Variants in TMEM63B observed in about 807,000 individuals in gnomAD.
TMEM63B encodes the protein mechanosensitive cation channel TMEM63B.
TMEM63B carries 23 observed loss-of-function variants against 102.6 expected under a neutral mutation model. The observed-to-expected ratio is 0.22, with a 90% confidence interval of 0.16 to 0.32. The LOEUF (loss-of-function observed/expected upper bound fraction) is 0.32, where lower values mean the gene tolerates loss of function less well. Among genes scored for constraint, TMEM63B ranks in the 10% least tolerant of loss-of-function variants. The pLI is 1.00. For missense variants in TMEM63B, 628 were observed against 1,095.9 expected, an observed-to-expected ratio of 0.57 and a Z score of 6.03; for synonymous variants, 444 against 437.0, an observed-to-expected ratio of 1.02 and a Z score of -0.20.
intron 7 of TMEM63B, 48 bp from the exon 8 acceptor site, chr6:44,139,660 G>A: frequency 6.2e-7 from 1 of 1,614,146 alleles, no homozygotes; most frequent in Non-Finnish European, 8.5e-7. Context: ...GGCTGGAGGG[G>A]ATGTGCCCTG....
At chr6:44,133,756 C>G (rs912265898) in intron 1 of TMEM63B, among the ~76,000 whole-genome samples, 3 of 152,276 alleles carry the variant, frequency 2.0e-5, no homozygotes, top group Admixed American at 6.5e-5. Flanking sequence ...CCACTCCCCC[C>G]TCCTTTGCCA....
chr6:44,143,058 G>A (rs906104628), intron 10 of TMEM63B, among the ~76,000 whole-genome samples: 1 of 152,200 alleles, frequency 6.6e-6, no homozygotes, highest in Non-Finnish European at 1.5e-5. Flanking sequence ...GTCCAGACCT[G>A]TCAGTTGGCC....
chr6:44,145,005 G>A (rs1482062493), intron 10 of TMEM63B, among the ~76,000 whole-genome samples: 2 of 152,046 alleles, frequency 1.3e-5, no homozygotes, highest in Non-Finnish European at 2.9e-5. Flanking sequence ...GGCCAGGTGC[G>A]GTGGCTCACA....
rs554521228 is a variant in TMEM63B at position 44,135,197 on chromosome 6, G to T, written c.239+101G>T. 3.2e-6 allele frequency: 5 copies of T among 1,562,254 alleles called. No individual in the cohort carries two copies. In the African/African-American group the frequency reaches 5.4e-5, roughly 17 times the overall value. ...CAGCCCTCTCTCATTCCCCTTTGCT[G>T]GGGGGATGAGAAGGGACTAGCCCCA... On this transcript the variant is annotated intron_variant, in intron 3 of 23. Coordinates refer to ENST00000323267, the MANE Select transcript of TMEM63B (RefSeq NM_018426.3).
intron 5 of TMEM63B, chr6:44,138,243 G>C (rs1763406673): frequency 4.4e-6 from 2 of 449,658 alleles, no homozygotes; most frequent in Non-Finnish European, 8.3e-6. Context: ...ATCTGGACAT[G>C]GGGATTCACA....
At position 44,154,734 on chromosome 6, in the gene TMEM63B, G is replaced by GA; in HGVS notation, c.2351dup (p.Asp784GlufsTer12). On this transcript the variant is annotated frameshift_variant, in exon 24 of 24. Coordinates refer to ENST00000323267, the MANE Select transcript of TMEM63B (RefSeq NM_018426.3). LOFTEE classifies it high-confidence loss of function. Reference sequence around the variant, plus strand: ...GCTGCAGGACTCAGAGGTGGACGGGGATGGGGATGGGGCTCCTGGGAGCTC... The same window carrying GA: ...GCTGCAGGACTCAGAGGTGGACGGGGAATGGGGATGGGGCTCCTGGGAGCTC... The GA allele has an allele frequency of 1.9e-6, 3 of 1,586,244 alleles. No individual in the cohort carries two copies. Among genetic ancestry groups the GA allele is most frequent in the Non-Finnish European group, 1.7e-6 (2 of 1,168,736 alleles).
intron 4 of TMEM63B, 131 bp downstream of exon 4, chr6:44,135,497 G>T: frequency 8.5e-7 from 1 of 1,175,662 alleles, no homozygotes; most frequent in South Asian, 1.6e-5. Flanking sequence ...TCATGTTTCG[G>T]ATTAACGCAG....
intron 5 of TMEM63B, 66 bp from the exon 6 acceptor site, chr6:44,138,414 T>C: frequency 6.2e-7 from 1 of 1,603,610 alleles, no homozygotes; most frequent in Non-Finnish European, 8.5e-7. Flanking sequence ...GGGTGGGACT[T>C]GAGGGAGGAG....
intron 1 of TMEM63B, among the ~76,000 whole-genome samples, chr6:44,131,392 C>T (rs531484680): frequency 1.3e-5 from 2 of 152,232 alleles, no homozygotes; most frequent in East Asian, 3.9e-4. Context: ...GACCACATGG[C>T]CTTGCTTTGA....
At chr6:44,146,985 C>A in intron 11 of TMEM63B, 58 bp downstream of exon 11, 1 of 1,570,834 alleles carries the variant, frequency 6.4e-7, no homozygotes, top group Non-Finnish European at 8.8e-7. Flanking sequence ...TTGTGGAGGA[C>A]ATCTTGGCTA....
At chr6:44,144,859 A>C (rs1256977642) in intron 10 of TMEM63B, among the ~76,000 whole-genome samples, 1 of 151,966 alleles carries the variant, frequency 6.6e-6, no homozygotes, top group African/African-American at 2.4e-5. Context: ...CAGCCTCTCA[A>C]AGTTTTGGGA....
intron 5 of TMEM63B, 27 bp from the exon 6 acceptor site, chr6:44,138,453 C>A: frequency 1.9e-6 from 3 of 1,613,872 alleles, no homozygotes; most frequent in Non-Finnish European, 2.5e-6. Context: ...GCTGGGGACT[C>A]CCGCTGACAG....
rs780465351 is a variant in TMEM63B at position 44,134,551 on chromosome 6, C to T, written c.-24-10C>T. Reference sequence around the variant, plus strand: ...GGCAAGCCCAGCTGACTGCTCCACCCTCTGCCCAGGAGGACCATGCGGCAG... The same window carrying T: ...GGCAAGCCCAGCTGACTGCTCCACCTTCTGCCCAGGAGGACCATGCGGCAG... On this transcript the variant is annotated splice_polypyrimidine_tract_variant and intron_variant, in intron 1 of 23. Transcript: ENST00000323267. 2.5e-6 allele frequency: 4 copies of T among 1,609,262 alleles called. No individual in the cohort carries two copies. The highest frequency in any genetic ancestry group is 2.5e-6 in the Non-Finnish European group (3 of 1,177,142).
chr6:44,138,238 G>T (rs535150091), intron 5 of TMEM63B: 1 of 516,078 alleles, frequency 1.9e-6, no homozygotes, highest in Non-Finnish European at 3.5e-6. Context: ...TGTAGATCTG[G>T]ACATGGGGAT....
chr6:44,154,579 G>A, intron 23 of TMEM63B, 113 bp from the exon 24 acceptor site: 1 of 1,446,544 alleles, frequency 6.9e-7, no homozygotes. Flanking sequence ...TCCCTGGAGG[G>A]CTGCCCCCGC....
rs1766049231 is a variant in TMEM63B at position 44,149,176 on chromosome 6, A to T, written c.1413+231A>T. Reference sequence around the variant, plus strand: ...ACCTGGAGAAACACCCAGGGAAGAGAGAGAGCCTGCATTTAGTCCTGATCT... The same window carrying T: ...ACCTGGAGAAACACCCAGGGAAGAGTGAGAGCCTGCATTTAGTCCTGATCT... On this transcript the variant is annotated intron_variant, in intron 15 of 23. Transcript: ENST00000323267. 8 of 601,416 alleles carry T rather than the reference A, an allele frequency of 1.3e-5. No homozygotes were observed. In the South Asian group the frequency reaches 1.6e-4, roughly 12 times the overall value. 37.3% of individuals were successfully genotyped at this position (601,416 alleles called of 1,614,324 possible). A position where few individuals can be genotyped will look rare whatever the true frequency, so the allele number is the denominator to read the frequency against.
chr6:44,144,400 T>G (rs1441560988), intron 10 of TMEM63B, among the ~76,000 whole-genome samples: 1 of 152,064 alleles, frequency 6.6e-6, no homozygotes, highest in Non-Finnish European at 1.5e-5. Context: ...AGCTCACCCT[T>G]CCAAAGGGGA....
chr6:44,153,622 C>A (rs1767301779), intron 20 of TMEM63B, 54 bp from the exon 21 acceptor site: 1 of 1,578,236 alleles, frequency 6.3e-7, no homozygotes, highest in Non-Finnish European at 8.6e-7. Context: ...GACAGACACA[C>A]AAAAGGTTCG....
chr6:44,135,443 T>A (rs1762753041), intron 4 of TMEM63B, 77 bp downstream of exon 4: 1 of 1,516,608 alleles, frequency 6.6e-7, no homozygotes, highest in African/African-American at 1.4e-5. Context: ...CTTCTCTTCC[T>A]GCCAAGTTGC....
Sources: gnomAD v4.1 joint callset for allele counts (sites outside exome capture counted in the v4.1 genomes callset) on GRCh38, gnomAD v4.1.1 for gene constraint, MANE v1.5 for transcripts, NCBI Gene and HGNC (gene_info 2026-07-23, HGNC 2026-07-21) for gene names.